The following TAF1B variants were observed in gnomAD, a reference collection of about 807,000 sequenced individuals.
TAF1B encodes TATA-box binding protein associated factor, RNA polymerase I subunit B, also known as TATA box-binding protein-associated factor RNA polymerase I subunit B.
A neutral mutation model predicts 83.9 loss-of-function variants in TAF1B; 61 were observed. The ratio of observed to expected loss-of-function variants is 0.73; its 90% CI spans 0.59 to 0.90. The LOEUF (loss-of-function observed/expected upper bound fraction) is 0.90. TAF1B is among the 40% of genes least tolerant of loss of function. The probability of loss-of-function intolerance (pLI) is 0.00; values close to 1 mark genes in which losing one functional copy is unlikely to be tolerated. For synonymous variants in TAF1B, 221 were observed against 224.6 expected (o/e 0.98, Z 0.14); for missense variants, 625 against 677.0 (o/e 0.92, Z 0.85).
chr2:9,928,431 T>C (rs1010572277), intron 14 of TAF1B, among the ~76,000 whole-genome samples: 6 of 152,314 alleles, frequency 3.9e-5, no homozygotes, highest in Non-Finnish European at 7.4e-5. Context: ...TGGCATTGAA[T>C]CTATAAATTA....
intron 5 of TAF1B, among the ~76,000 whole-genome samples, chr2:9,861,571 C>G (rs1449160832): frequency 3.3e-5 from 5 of 152,246 alleles, no homozygotes; most frequent in Non-Finnish European, 7.3e-5. Flanking sequence ...ACTTAAATGT[C>G]CCTGTCTGAC....
chr2:9,886,314 G>C (rs370811273), intron 8 of TAF1B, among the ~76,000 whole-genome samples: 1 of 152,020 alleles, frequency 6.6e-6, no homozygotes, highest in Non-Finnish European at 1.5e-5. Context: ...CTGCAGTCCA[G>C]TGCTCTACTT....
chr2:9,886,431 A>G (rs1270160592), intron 8 of TAF1B, among the ~76,000 whole-genome samples: 2 of 152,190 alleles, frequency 1.3e-5, no homozygotes, highest in African/African-American at 4.8e-5. Context: ...GTGGTATTTT[A>G]TAATTTCAGT....
intron 5 of TAF1B, among the ~76,000 whole-genome samples, chr2:9,859,803 G>C (rs1274241436): frequency 6.6e-6 from 1 of 152,128 alleles, no homozygotes; most frequent in African/African-American, 2.4e-5. Flanking sequence ...TTGTTACCCA[G>C]TTCCAAAGTT....
chr2:9,871,361 C>T (rs1010917336), intron 6 of TAF1B, among the ~76,000 whole-genome samples: 6 of 152,130 alleles, frequency 3.9e-5, no homozygotes, highest in Admixed American at 1.3e-4. Context: ...GGATTGTAGG[C>T]GTAAGCTACT....
At chr2:9,866,927 G>C (rs1320861774) in intron 5 of TAF1B, among the ~76,000 whole-genome samples, 2 of 151,934 alleles carry the variant, frequency 1.3e-5, no homozygotes, top group Non-Finnish European at 2.9e-5. Context: ...CCCATACCGG[G>C]GACTGTTGTG....
At chr2:9,885,510 G>T (rs952405300) in intron 8 of TAF1B, among the ~76,000 whole-genome samples, 5 of 152,192 alleles carry the variant, frequency 3.3e-5, no homozygotes, top group African/African-American at 1.2e-4. Flanking sequence ...AGCAAAACTG[G>T]TTTCACCCTT....
intron 8 of TAF1B, among the ~76,000 whole-genome samples, chr2:9,894,149 A>G (rs1019072250): frequency 6.6e-6 from 1 of 152,184 alleles, no homozygotes; most frequent in Non-Finnish European, 1.5e-5. Context: ...TATAGATTCT[A>G]TAAGACCTAC....
In TAF1B at chr2:9,843,519, G is replaced by A. The variant is rs779649377; in HGVS notation, c.-23G>A. The A allele has an allele frequency of 1.8e-5, 28 of 1,524,444 alleles. No homozygotes were observed. Among genetic ancestry groups the A allele is most frequent in the African/African-American group, 5.7e-5 (4 of 69,996 alleles). The allele number at this position is 1,524,444 out of a possible 1,614,324, so 94.4% of individuals were successfully genotyped here. A position where few individuals can be genotyped will look rare whatever the true frequency, so the allele number is the denominator to read the frequency against. On this transcript the variant is annotated 5_prime_UTR_variant, in exon 1 of 15. In the 5' UTR this introduces an upstream ATG that the reference lacks. Coordinates refer to ENST00000263663, the MANE Select transcript of TAF1B (RefSeq NM_005680.3). ...GCTACCCGGGTAACGGGTCCCGGCT[G>A]TGGAAGCTCCCGCGGCGCCGCGATG...
chr2:9,843,693 C>A, intron 1 of TAF1B, 134 bp downstream of exon 1: 1 of 1,049,916 alleles, frequency 9.5e-7, no homozygotes. Context: ...CGGAGGGCTG[C>A]AGGGCGGGCT....
intron 8 of TAF1B, among the ~76,000 whole-genome samples, chr2:9,890,917 T>C (rs1316230193): frequency 6.6e-6 from 1 of 152,120 alleles, no homozygotes; most frequent in Non-Finnish European, 1.5e-5. Context: ...ATTACAGGCA[T>C]GCGCCACCAA....
chr2:9,859,679 C>A (rs1172595799), intron 5 of TAF1B, among the ~76,000 whole-genome samples: 1 of 152,202 alleles, frequency 6.6e-6, no homozygotes. Context: ...AGCCATCGCA[C>A]CTGGCCGCTA....
chr2:9,885,796 A>G lies in TAF1B; in HGVS notation c.807+2991A>G, dbSNP rs143407725. Reference sequence around the variant, plus strand: ...TTAATCTCCAGCAATTCTCAGAGCTATTCACTACTCAAGTTATATTGATAA... The same window carrying G: ...TTAATCTCCAGCAATTCTCAGAGCTGTTCACTACTCAAGTTATATTGATAA... On this transcript the variant is annotated intron_variant, in intron 8 of 14. Transcript: ENST00000263663. Among the ~76,000 whole-genome samples, 214 of 149,108 alleles carry G rather than the reference A, an allele frequency of 1.4e-3. 1 individual carries two copies. The highest frequency in any genetic ancestry group is 5.5e-3 in the South Asian group (26 of 4,766).
intron 5 of TAF1B, among the ~76,000 whole-genome samples, chr2:9,867,457 C>A (rs1161675995): frequency 6.6e-6 from 1 of 152,190 alleles, no homozygotes; most frequent in Non-Finnish European, 1.5e-5. Context: ...ACACAAGCAT[C>A]TTACTTCATT....
intron 9 of TAF1B, among the ~76,000 whole-genome samples, chr2:9,907,384 A>T (rs913146813): frequency 6.6e-6 from 1 of 152,050 alleles, no homozygotes; most frequent in Non-Finnish European, 1.5e-5. Flanking sequence ...GTGCAGTGCC[A>T]TTGATCAAAA....
intron 14 of TAF1B, among the ~76,000 whole-genome samples, chr2:9,921,416 A>G (rs1220920241): frequency 6.6e-6 from 1 of 152,154 alleles, no homozygotes; most frequent in Admixed American, 6.5e-5. Context: ...GACTCAGAAA[A>G]TTTCCTCAGG....
intron 6 of TAF1B, among the ~76,000 whole-genome samples, chr2:9,875,292 C>T (rs1664289674): frequency 1.3e-5 from 2 of 152,158 alleles, no homozygotes; most frequent in Admixed American, 1.3e-4. Context: ...CCTGTCCCAT[C>T]CCACTCCTAC....
chr2:9,889,398 T>G (rs2125159884), intron 8 of TAF1B, among the ~76,000 whole-genome samples: 1 of 152,316 alleles, frequency 6.6e-6, no homozygotes, highest in East Asian at 1.9e-4. Flanking sequence ...ATTCAATGTG[T>G]TTTTCATTTC....
chr2:9,871,053 T>C (rs1336266168), intron 6 of TAF1B, among the ~76,000 whole-genome samples: 2 of 152,118 alleles, frequency 1.3e-5, no homozygotes, highest in Non-Finnish European at 2.9e-5. Context: ...ACCTGTGGCC[T>C]GGCTGACTTT....
Sources: gnomAD v4.1 joint callset for allele counts (sites outside exome capture counted in the v4.1 genomes callset) on GRCh38, gnomAD v4.1.1 for gene constraint, MANE v1.5 for transcripts, NCBI Gene and HGNC (gene_info 2026-07-23, HGNC 2026-07-21) for gene names.